The following DHX35 variants were observed in gnomAD, a reference collection of about 807,000 sequenced individuals.
DHX35 encodes DEAH-box helicase 35.
Under a neutral mutation model 99.6 loss-of-function variants are expected in DHX35, and 84 were observed. That is an observed-to-expected ratio of 0.84 (90% CI 0.71 to 1.01). DHX35 has a LOEUF of 1.01. Among genes scored for constraint, DHX35 ranks in the 50% least tolerant of loss-of-function variants. DHX35 has a pLI of 0.00. For missense variants in DHX35, 852 were observed against 888.5 expected, an observed-to-expected ratio of 0.96 and a Z score of 0.52; for synonymous variants, 331 against 316.2, an observed-to-expected ratio of 1.05 and a Z score of -0.50.
intron 1 of DHX35, among the ~76,000 whole-genome samples, chr20:38,963,568 T>C (rs1329861524): frequency 6.6e-6 from 1 of 152,248 alleles, no homozygotes; most frequent in Middle Eastern, 3.2e-3. Flanking sequence ...TACTAAGTAA[T>C]GAATACTTTT....
chr20:38,995,665 C>T (rs904962909), intron 8 of DHX35, among the ~76,000 whole-genome samples: 5 of 152,204 alleles, frequency 3.3e-5, no homozygotes, highest in Non-Finnish European at 7.3e-5. Context: ...TGACCACTTA[C>T]TATATTTACA....
At chr20:39,023,397 C>T (rs1044127488) in intron 16 of DHX35, among the ~76,000 whole-genome samples, 29 of 152,154 alleles carry the variant, frequency 1.9e-4, no homozygotes, top group African/African-American at 6.5e-4. Context: ...GAGACAGGGT[C>T]TCGCCCTGTT....
chr20:39,013,700 G>T (rs1350662448), intron 13 of DHX35, among the ~76,000 whole-genome samples: 1 of 152,140 alleles, frequency 6.6e-6, no homozygotes, highest in East Asian at 1.9e-4. Flanking sequence ...CAGTATAAAA[G>T]ATCCCACAGG....
intron 21 of DHX35, 40 bp from the exon 22 acceptor site, chr20:39,038,459 C>A: frequency 6.2e-7 from 1 of 1,612,190 alleles, no homozygotes; most frequent in Non-Finnish European, 8.5e-7. Flanking sequence ...GTTTCTTTGT[C>A]TAATCAACCC....
chr20:39,027,798 T>C (rs1568760151), intron 18 of DHX35, among the ~76,000 whole-genome samples: 1 of 152,236 alleles, frequency 6.6e-6, no homozygotes, highest in Non-Finnish European at 1.5e-5. Flanking sequence ...ATTGATGAGA[T>C]GTGATATGTC....
At chr20:39,034,553 C>G (rs2087114729) in intron 21 of DHX35, among the ~76,000 whole-genome samples, 1 of 151,694 alleles carries the variant, frequency 6.6e-6, no homozygotes, top group Non-Finnish European at 1.5e-5. Context: ...AAAGGTATCG[C>G]TTTCTCGCTT....
chr20:38,966,718 A>C (rs1253279025), intron 1 of DHX35, among the ~76,000 whole-genome samples: 1 of 152,196 alleles, frequency 6.6e-6, no homozygotes, highest in Non-Finnish European at 1.5e-5. Context: ...GGTTAGAGAC[A>C]AGGGAGGAAT....
chr20:39,003,518 A>G (rs1159299751), intron 10 of DHX35, among the ~76,000 whole-genome samples: 1 of 152,234 alleles, frequency 6.6e-6, no homozygotes, highest in African/African-American at 2.4e-5. Context: ...ATTGCAGATC[A>G]TACCGAGTTT....
chr20:38,985,268 G>A (rs1443962052), intron 4 of DHX35, among the ~76,000 whole-genome samples: 2 of 151,100 alleles, frequency 1.3e-5, no homozygotes, highest in South Asian at 2.1e-4. Context: ...CCTGCCTGTG[G>A]TCCCAGCTAC....
intron 3 of DHX35, among the ~76,000 whole-genome samples, chr20:38,983,326 G>C (rs2086201965): frequency 6.6e-6 from 1 of 152,204 alleles, no homozygotes; most frequent in Admixed American, 6.5e-5. Context: ...TGATATTTAT[G>C]TTGAGCCATC....
chr20:38,980,339 C>T (rs758775303), intron 3 of DHX35, among the ~76,000 whole-genome samples: 23 of 152,124 alleles, frequency 1.5e-4, no homozygotes, highest in Non-Finnish European at 2.9e-4. Context: ...TTTCCTTGGA[C>T]AAATTATGTG....
At chr20:39,032,605 T>C (rs2087074459) in intron 20 of DHX35, among the ~76,000 whole-genome samples, 1 of 152,222 alleles carries the variant, frequency 6.6e-6, no homozygotes, top group South Asian at 2.1e-4. Context: ...CAAGAAAGTC[T>C]GTGGTCAAAC....
At chr20:39,023,515 A>AT (rs552554835) in intron 16 of DHX35, among the ~76,000 whole-genome samples, 175 bp from the exon 17 acceptor site, 49 of 146,942 alleles carry the variant, frequency 3.3e-4, no homozygotes, top group South Asian at 3.2e-3. Flanking sequence ...TGCCCTGCTG[A>AT]TTTTTTTTTT....
In DHX35 at chr20:39,002,881, T is replaced by A; in HGVS notation, c.852+13T>A. On this transcript the variant is annotated intron_variant, in intron 10 of 21. Transcript: ENST00000252011. ...TCTTACTGGCCAGGTAATGCCACTG[T>A]ACTTCTCTGATGAATAGACATGTTA... The A allele has an allele frequency of 6.2e-7, 1 of 1,607,140 alleles. No homozygotes were observed. The highest frequency in any genetic ancestry group is 8.5e-7 in the Non-Finnish European group (1 of 1,173,714).
rs1463181167 is a variant in DHX35, at chr20:39,014,904, C to T, written c.1372C>T (p.Gln458Ter). 2.5e-6 allele frequency: 4 copies of T among 1,614,120 alleles called. No homozygotes were observed. Among genetic ancestry groups the T allele is most frequent in the Non-Finnish European group, 2.5e-6 (3 of 1,180,016 alleles). Residue 458 changes from glutamine to a stop codon, truncating the protein, a stop_gained, in exon 14 of 22, where the codon CAA (glutamine) becomes TAA (stop). Transcript: ENST00000252011. LOFTEE classifies it high-confidence loss of function. ...MSPPPAQSMVQALELLYALGG... is the reference protein window; with the variant it reads ...MSPPPAQSMV Reference sequence around the variant, plus strand: ...GCCCCCTCCAGCACAGTCGATGGTTCAAGCCTTGGAGTTACTGTATGCTCT... The same window carrying T: ...GCCCCCTCCAGCACAGTCGATGGTTTAAGCCTTGGAGTTACTGTATGCTCT...
rs1221374959 is a variant in DHX35 at position 38,977,654 on chromosome 20, CACGGT to C, written c.267+5005_267+5009del. 1.4e-5 allele frequency: 5 copies of C among 353,836 alleles called. No homozygotes were observed. In the East Asian group the frequency reaches 2.3e-4, roughly 16 times the overall value. The allele number at this position is 353,836 out of a possible 1,614,324, so 21.9% of individuals were successfully genotyped here. A position where few individuals can be genotyped will look rare whatever the true frequency, so the allele number is the denominator to read the frequency against. ...TGGAACCTGGACAACATTTATCAAA[CACGGT>C]AGGGAAAGTTCTCACTCTGCATTAT... On this transcript the variant is annotated intron_variant, in intron 3 of 21. Coordinates refer to ENST00000252011, the MANE Select transcript of DHX35 (RefSeq NM_021931.4).
intron 1 of DHX35, 37 bp from the exon 2 acceptor site, chr20:38,969,044 T>C: frequency 6.4e-7 from 1 of 1,568,902 alleles, no homozygotes. Context: ...CTGTTCATTG[T>C]ATCAGAGAAT....
chr20:39,006,139 A>T lies in DHX35; in HGVS notation c.1012-7A>T, dbSNP rs200696280. ...GAGTTTTATTCTTCTTTCTGTGGGGAACGTAGGTGATAGTGGCCACCAATG... is the reference window on the plus strand; with the variant it reads ...GAGTTTTATTCTTCTTTCTGTGGGGTACGTAGGTGATAGTGGCCACCAATG... On this transcript the variant is annotated splice_polypyrimidine_tract_variant and splice_region_variant and intron_variant, in intron 11 of 21. Coordinates refer to ENST00000252011, the MANE Select transcript of DHX35 (RefSeq NM_021931.4). The T allele has an allele frequency of 4.0e-5, 64 of 1,610,648 alleles. No homozygotes were observed. The East Asian group carries it at 1.4e-3, about 35-fold the overall frequency.
At chr20:39,015,419 T>C (rs947103348) in intron 14 of DHX35, among the ~76,000 whole-genome samples, 2 of 152,212 alleles carry the variant, frequency 1.3e-5, no homozygotes, top group Non-Finnish European at 2.9e-5. Context: ...CGATTGAAGA[T>C]GTTATTAGGT....
Sources: allele counts gnomAD v4.1 joint callset (sites outside exome capture counted in the v4.1 genomes callset), GRCh38; gene constraint gnomAD v4.1.1; transcripts MANE v1.5; gene names NCBI Gene and HGNC (gene_info 2026-07-23, HGNC 2026-07-21).